The following FERMT2 variants were observed in gnomAD, a reference collection of about 807,000 sequenced individuals.
The protein encoded by FERMT2 is fermitin family homolog 2.
Under a neutral mutation model 82.7 loss-of-function variants are expected in FERMT2, and 15 were observed. The ratio of observed to expected loss-of-function variants is 0.18; its 90% CI spans 0.12 to 0.28. The LOEUF (loss-of-function observed/expected upper bound fraction) is 0.28. Ranked by LOEUF, FERMT2 falls within the 10% of genes least tolerant of loss-of-function variation. The pLI, the probability that FERMT2 is intolerant of heterozygous loss-of-function variation, is 1.00. For synonymous variants in FERMT2, 274 were observed against 271.5 expected (o/e 1.01, Z -0.09); for missense variants, 645 against 809.4 (o/e 0.80, Z 2.46).
At chr14:52,938,065 A>G (rs1457889367) in intron 2 of FERMT2, among the ~76,000 whole-genome samples, 2 of 152,210 alleles carry the variant, frequency 1.3e-5, no homozygotes, top group African/African-American at 2.4e-5. Context: ...TAAGTTGCGA[A>G]GATGTTAAAT....
At chr14:52,916,628 T>G (rs1334768906) in intron 3 of FERMT2, among the ~76,000 whole-genome samples, 1 of 152,176 alleles carries the variant, frequency 6.6e-6, no homozygotes, top group Non-Finnish European at 1.5e-5. Flanking sequence ...GTATATATTT[T>G]TCCAAGCCCA....
intron 4 of FERMT2, among the ~76,000 whole-genome samples, chr14:52,886,864 T>C (rs1436933866): frequency 6.6e-6 from 1 of 152,180 alleles, no homozygotes; most frequent in Non-Finnish European, 1.5e-5. Context: ...GGAACTCACC[T>C]TAATTTTAAT....
intron 3 of FERMT2, among the ~76,000 whole-genome samples, chr14:52,897,529 T>C (rs1041385484): frequency 6.6e-6 from 1 of 152,198 alleles, no homozygotes; most frequent in Non-Finnish European, 1.5e-5. Flanking sequence ...AAAATTAACA[T>C]GGGAGCAATT....
intron 4 of FERMT2, among the ~76,000 whole-genome samples, chr14:52,891,438 C>A (rs1886927404): frequency 6.6e-6 from 1 of 152,138 alleles, no homozygotes; most frequent in African/African-American, 2.4e-5. Context: ...TTCTTTGTAT[C>A]TTTCAAAATG....
chr14:52,937,176 A>G, intron 2 of FERMT2, among the ~76,000 whole-genome samples: 2 of 152,058 alleles, frequency 1.3e-5, no homozygotes, highest in East Asian at 1.9e-4. Context: ...TAATAATAAT[A>G]ATAATGATAA....
At chr14:52,870,594 T>TA (rs1258474150) in intron 10 of FERMT2, among the ~76,000 whole-genome samples, 2 of 152,186 alleles carry the variant, frequency 1.3e-5, no homozygotes, top group African/African-American at 4.8e-5. Context: ...AACAAATACT[T>TA]ACTATTGTGT....
At chr14:52,898,247 A>C (rs1462238145) in intron 3 of FERMT2, among the ~76,000 whole-genome samples, 1 of 152,190 alleles carries the variant, frequency 6.6e-6, no homozygotes, top group African/African-American at 2.4e-5. Flanking sequence ...CTGCTCCTTA[A>C]ATTCTGCCAC....
chr14:52,907,350 C>A (rs1888072577), intron 3 of FERMT2, among the ~76,000 whole-genome samples: 1 of 152,128 alleles, frequency 6.6e-6, no homozygotes, highest in Non-Finnish European at 1.5e-5. Flanking sequence ...GTCAAAACTT[C>A]ATAACCAGTA....
At chr14:52,947,588 C>A (rs182756263) in intron 2 of FERMT2, among the ~76,000 whole-genome samples, 2 of 152,242 alleles carry the variant, frequency 1.3e-5, no homozygotes, top group Admixed American at 6.5e-5. Flanking sequence ...AAAGTGTACA[C>A]GTTATTTATA....
At chr14:52,881,013 A>AG in intron 6 of FERMT2, 23 bp downstream of exon 6, 1 of 1,461,472 alleles carries the variant, frequency 6.8e-7, no homozygotes, top group Non-Finnish European at 9.4e-7. Context: ...GAAAAAAAAA[A>AG]GATCCCTTTA....
chr14:52,913,307 AC>A (rs1888428956), intron 3 of FERMT2, among the ~76,000 whole-genome samples: 1 of 152,180 alleles, frequency 6.6e-6, no homozygotes, highest in Admixed American at 6.5e-5. Flanking sequence ...CAAAATTCTA[AC>A]ACTATGAGAT....
At position 52,942,223 on chromosome 14, in the gene FERMT2, A is replaced by C. The variant is rs573492344; in HGVS notation, c.157+8189T>G. Among the ~76,000 whole-genome samples the C allele has an allele frequency of 3.9e-5, 6 of 152,220 alleles. No homozygotes were observed. In the South Asian group the frequency reaches 1.2e-3, roughly 32 times the overall value. ...TGCATAACACAAATAGTTTATATAA[A>C]GTATATATACATGTAGTATCAATAT... On this transcript the variant is annotated intron_variant, in intron 2 of 14. Coordinates refer to ENST00000341590, the MANE Select transcript of FERMT2 (RefSeq NM_006832.3).
chr14:52,939,292 G>A (rs1314956954), intron 2 of FERMT2, among the ~76,000 whole-genome samples: 7 of 147,370 alleles, frequency 4.7e-5, no homozygotes, highest in Non-Finnish European at 8.9e-5. Flanking sequence ...AGAATCGCTT[G>A]AACCTGGGAG....
At chr14:52,910,845 G>A (rs987256952) in intron 3 of FERMT2, among the ~76,000 whole-genome samples, 4 of 152,114 alleles carry the variant, frequency 2.6e-5, no homozygotes, top group African/African-American at 9.7e-5. Context: ...CAATGGAAAT[G>A]TCCTCATCTT....
chr14:52,899,342 C>T (rs375991545), intron 3 of FERMT2, among the ~76,000 whole-genome samples: 48 of 151,986 alleles, frequency 3.2e-4, no homozygotes, highest in Admixed American at 7.9e-4. Context: ...GAGTGCAGTG[C>T]CACAATCTCA....
chr14:52,874,109 CA>C, intron 9 of FERMT2, 67 bp downstream of exon 9: 1 of 1,042,110 alleles, frequency 9.6e-7, no homozygotes, highest in Non-Finnish European at 1.4e-6. Context: ...CAGTTAGTTT[CA>C]ATAATGTGAC....
In FERMT2 at chr14:52,928,685, C is replaced by T. The variant is rs190361770; in HGVS notation, c.158-9329G>A. ...TTTTTTTCTGTCTACCACGGTGTTTCGAACTTCTCACACTTCTGAGAATCC... is the reference window on the plus strand; with the variant it reads ...TTTTTTTCTGTCTACCACGGTGTTTTGAACTTCTCACACTTCTGAGAATCC... On this transcript the variant is annotated intron_variant, in intron 2 of 14. Transcript: ENST00000341590. 4.4e-4 allele frequency among the ~76,000 whole-genome samples: 67 copies of T among 152,282 alleles called. 1 individual carries two copies. In the South Asian group the frequency reaches 0.011, roughly 25 times the overall value.
chr14:52,881,942 G>T, intron 4 of FERMT2: 1 of 414,736 alleles, frequency 2.4e-6, no homozygotes, highest in Non-Finnish European at 4.3e-6. Context: ...TTCCCTAATT[G>T]TGAATCATAA....
chr14:52,881,725 A>C, intron 4 of FERMT2: 1 of 1,299,966 alleles, frequency 7.7e-7, no homozygotes, highest in African/African-American at 1.5e-5. Flanking sequence ...GTTCAAGAGA[A>C]TTAGAAAATA....
Sources: allele counts gnomAD v4.1 joint callset (sites outside exome capture counted in the v4.1 genomes callset), GRCh38; gene constraint gnomAD v4.1.1; transcripts MANE v1.5; gene names NCBI Gene and HGNC (gene_info 2026-07-23, HGNC 2026-07-21).